TCF4: variants seen among roughly 807,000 people sequenced by gnomAD.
TCF4 encodes SL3-3 enhancer factor 2.
Under a neutral mutation model 82.1 loss-of-function variants are expected in TCF4, and 3 were observed. That is an observed-to-expected ratio of 0.04 (90% CI 0.02 to 0.09). TCF4 has a LOEUF of 0.09. Ranked by LOEUF, TCF4 falls within the 10% of genes least tolerant of loss-of-function variation. The pLI, the probability that TCF4 is intolerant of heterozygous loss-of-function variation, is 1.00. For synonymous variants in TCF4, 276 were observed against 309.6 expected, an observed-to-expected ratio of 0.89 and a Z score of 1.14; for missense variants, 518 against 852.7, an observed-to-expected ratio of 0.61 and a Z score of 4.89.
chr18:55,431,326 C>A (rs2095185031), intron 5 of TCF4, among the ~76,000 whole-genome samples: 1 of 152,156 alleles, frequency 6.6e-6, no homozygotes, highest in Non-Finnish European at 1.5e-5. Flanking sequence ...GTTGTCCAGG[C>A]TAGAGTGCAA....
intron 6 of TCF4, among the ~76,000 whole-genome samples, chr18:55,376,018 C>CTTTT (rs772990901): frequency 9.8e-5 from 12 of 122,756 alleles, no homozygotes; most frequent in African/African-American, 3.2e-4. Context: ...TTTTCTTCTC[C>CTTTT]TTTTTTTTTT....
At chr18:55,345,637 C>T (rs1220238000) in intron 8 of TCF4, among the ~76,000 whole-genome samples, 1 of 152,118 alleles carries the variant, frequency 6.6e-6, no homozygotes, top group Admixed American at 6.6e-5. Flanking sequence ...AACAATTATA[C>T]TTCTTCACAA....
chr18:55,474,006 T>C (rs1471435620), intron 3 of TCF4, among the ~76,000 whole-genome samples: 1 of 152,170 alleles, frequency 6.6e-6, no homozygotes, highest in Non-Finnish European at 1.5e-5. Flanking sequence ...GTTCCTACTG[T>C]TTTAAACTAC....
At chr18:55,431,489 A>T (rs770872331) in intron 5 of TCF4, among the ~76,000 whole-genome samples, 2 of 152,094 alleles carry the variant, frequency 1.3e-5, no homozygotes, top group Non-Finnish European at 2.9e-5. Flanking sequence ...CACGTTGGCC[A>T]AGCTGGTCTT....
chr18:55,516,751 T>C (rs2096886140), intron 3 of TCF4, among the ~76,000 whole-genome samples: 1 of 152,064 alleles, frequency 6.6e-6, no homozygotes, highest in Non-Finnish European at 1.5e-5. Context: ...AGGTGGGAGC[T>C]TGCATGGTGC....
In TCF4 at chr18:55,537,339, G is replaced by A. The variant is rs971195265; in HGVS notation, c.145+47941C>T. Among the ~76,000 whole-genome samples, 16 of 152,156 alleles carry A rather than the reference G, an allele frequency of 1.1e-4. No homozygotes were observed. In the East Asian group the frequency reaches 1.7e-3, roughly 17 times the overall value. On this transcript the variant is annotated intron_variant, in intron 3 of 19. Coordinates refer to ENST00000354452, the MANE Select transcript of TCF4 (RefSeq NM_001083962.2). ...ATGTTGGCCGGGCACAGTGGCTCAC[G>A]CCTGTAATCCCAGACCAAGGTGGGC...
intron 11 of TCF4, among the ~76,000 whole-genome samples, chr18:55,264,328 G>A (rs2058661940): frequency 6.6e-6 from 1 of 152,138 alleles, no homozygotes; most frequent in African/African-American, 2.4e-5. Flanking sequence ...TTAACATGAA[G>A]CGATTTTACC....
chr18:55,400,868 GATACACTGTTATA>G, intron 6 of TCF4: 1 of 898,184 alleles, frequency 1.1e-6, no homozygotes, highest in Non-Finnish European at 1.6e-6. Flanking sequence ...AAGTCCATAG[GATACACTGTTATA>G]ATACGATAAA....
intron 6 of TCF4, among the ~76,000 whole-genome samples, chr18:55,364,392 T>A (rs1004600988): frequency 6.6e-6 from 1 of 152,236 alleles, no homozygotes. Context: ...CTGTAGCACA[T>A]GACCTGTTTT....
Position 55,227,249 on chromosome 18 carries a change from A to C in TCF4, c.*786T>G. ...CAGGGAAAGGGACAGAAATAAGACC[A>C]AAAAAAAAAAAATCCATATTTACAG... On this transcript the variant is annotated 3_prime_UTR_variant, in exon 20 of 20. Coordinates refer to ENST00000354452, the MANE Select transcript of TCF4 (RefSeq NM_001083962.2). The C allele has an allele frequency of 9.8e-6, 1 of 101,754 alleles. No individual in the cohort carries two copies. Among genetic ancestry groups the C allele is most frequent in the East Asian group, 2.0e-4 (1 of 4,970 alleles). 6.3% of individuals were successfully genotyped at this position (101,754 alleles called of 1,614,324 possible).
In TCF4 at chr18:55,633,612, A is replaced by C. The variant is rs150248504; in HGVS notation, c.195+2091T>G. On this transcript the variant is annotated intron_variant, in intron 1 of 20. Coordinates refer to the TCF4 transcript ENST00000398339. The surrounding 1 kb of genome is among the most constrained non-coding windows in gnomAD (Gnocchi z 4.0). ...AGAATACCTGGGGAGATACTATAGC[A>C]TGAGTAAAGAAAGAGAGGCTAGAGC... Among the ~76,000 whole-genome samples the C allele has an allele frequency of 2.3e-3, 350 of 152,304 alleles. 2 individuals carry two copies. Among genetic ancestry groups the C allele is most frequent in the African/African-American group, 8.2e-3 (340 of 41,572 alleles).
chr18:55,503,358 TTCATCATCA>T (rs140707538), intron 3 of TCF4, among the ~76,000 whole-genome samples: 1 of 151,910 alleles, frequency 6.6e-6, no homozygotes, highest in African/African-American at 2.4e-5. Flanking sequence ...CATCATCAAT[TTCATCATCA>T]TCATCATCAT....
chr18:55,305,506 C>T (rs1461800753), intron 8 of TCF4, among the ~76,000 whole-genome samples: 2 of 152,118 alleles, frequency 1.3e-5, no homozygotes, highest in African/African-American at 2.4e-5. Flanking sequence ...TACAAAAGTA[C>T]CAGTTTCAAT....
intron 3 of TCF4, among the ~76,000 whole-genome samples, chr18:55,536,543 T>C (rs531092886): frequency 6.6e-6 from 1 of 152,340 alleles, no homozygotes; most frequent in African/African-American, 2.4e-5. Flanking sequence ...CACAAAGAGT[T>C]ATTCAGAAAA....
intron 6 of TCF4, among the ~76,000 whole-genome samples, chr18:55,374,068 C>T (rs1214784956): frequency 6.6e-6 from 1 of 151,822 alleles, no homozygotes; most frequent in Non-Finnish European, 1.5e-5. Flanking sequence ...TCTTGAACTA[C>T]ACAAGAATGC....
At chr18:55,438,373 T>C (rs1048017555) in intron 5 of TCF4, among the ~76,000 whole-genome samples, 2 of 151,992 alleles carry the variant, frequency 1.3e-5, no homozygotes, top group South Asian at 4.2e-4. Context: ...CTCAATAAGA[T>C]GGCAAACTCA....
At chr18:55,545,825 AG>A (rs2097201943) in intron 3 of TCF4, among the ~76,000 whole-genome samples, 1 of 152,216 alleles carries the variant, frequency 6.6e-6, no homozygotes, top group African/African-American at 2.4e-5. Context: ...CAAGGGATAC[AG>A]CAAAGATTAA....
At chr18:55,480,060 G>T (rs2096388169) in intron 3 of TCF4, among the ~76,000 whole-genome samples, 1 of 151,994 alleles carries the variant, frequency 6.6e-6, no homozygotes, top group African/African-American at 2.4e-5. Context: ...ATAGACACAA[G>T]ATATTCATTA....
At chr18:55,326,754 G>A (rs1310243873) in intron 8 of TCF4, among the ~76,000 whole-genome samples, 2 of 152,002 alleles carry the variant, frequency 1.3e-5, no homozygotes, top group Non-Finnish European at 2.9e-5. Context: ...GGTATTTTTT[G>A]CTCTCCAGCA....
Sources: allele counts gnomAD v4.1 joint callset (sites outside exome capture counted in the v4.1 genomes callset), GRCh38; gene constraint gnomAD v4.1.1; non-coding constraint Gnocchi (gnomAD v3.1); transcripts MANE v1.5; gene names NCBI Gene and HGNC (gene_info 2026-07-23, HGNC 2026-07-21).